TMEM132D: variants seen among roughly 807,000 people sequenced by gnomAD.
TMEM132D encodes mature OL transmembrane protein.
Under a neutral mutation model 62.3 loss-of-function variants are expected in TMEM132D, and 21 were observed. The ratio of observed to expected loss-of-function variants is 0.34; its 90% CI spans 0.24 to 0.49. The LOEUF is 0.49. Ranked by LOEUF, TMEM132D falls within the 20% of genes least tolerant of loss-of-function variation. TMEM132D has a pLI of 0.99. For missense variants in TMEM132D, 1,346 were observed against 1,402.8 expected, an observed-to-expected ratio of 0.96 and a Z score of 0.65; for synonymous variants, 621 against 575.6, an observed-to-expected ratio of 1.08 and a Z score of -1.13.
Position 129,827,694 on chromosome 12 carries a change from A to C in TMEM132D, c.79+75567T>G, listed in dbSNP as rs1404122519. ...AATTCCAGCAAGTCTCAAGTGTAAA[A>C]AGGTGTCTGAGGAAGTTCTTGTTTG... On this transcript the variant is annotated intron_variant, in intron 1 of 8. Coordinates refer to ENST00000422113, the MANE Select transcript of TMEM132D (RefSeq NM_133448.3). The surrounding 1 kb of genome is among the most constrained non-coding windows in gnomAD (Gnocchi z 9.7). 6.6e-6 allele frequency among the ~76,000 whole-genome samples: 1 copy of C among 152,168 alleles called. No individual in the cohort carries two copies. The highest frequency in any genetic ancestry group is 1.5e-5 in the Non-Finnish European group (1 of 68,034).
At chr12:129,087,184 G>T (rs11610940) in intron 5 of TMEM132D, among the ~76,000 whole-genome samples, 48,907 of 151,840 alleles carry the variant, frequency 0.32, 8,703 homozygotes, top group African/African-American at 0.48. Flanking sequence ...TTGTTTCTGT[G>T]AGTTGGACTT....
At chr12:129,351,948 T>A (rs932343018) in intron 3 of TMEM132D, among the ~76,000 whole-genome samples, 1 of 152,172 alleles carries the variant, frequency 6.6e-6, no homozygotes, top group African/African-American at 2.4e-5. Context: ...ATCACTCCTA[T>A]TCAGCCTGAA....
At chr12:129,195,294 TG>T (rs1878516986) in intron 5 of TMEM132D, among the ~76,000 whole-genome samples, 6 of 151,492 alleles carry the variant, frequency 4.0e-5, no homozygotes, top group Admixed American at 3.9e-4. Context: ...AAGCCCAGTG[TG>T]GCCAGAAGGA....
At chr12:129,475,743 G>A (rs1273669718) in intron 3 of TMEM132D, among the ~76,000 whole-genome samples, 1 of 152,210 alleles carries the variant, frequency 6.6e-6, no homozygotes, top group Non-Finnish European at 1.5e-5. Context: ...CAGGCGTCCA[G>A]CAGAGCTGCA....
intron 3 of TMEM132D, among the ~76,000 whole-genome samples, chr12:129,402,344 G>A (rs964914754): frequency 8.5e-5 from 13 of 152,072 alleles, no homozygotes; most frequent in East Asian, 1.9e-4. Flanking sequence ...CTCACTCGAC[G>A]GCATTTTCAC....
chr12:129,496,456 G>A (rs964046583), intron 3 of TMEM132D, among the ~76,000 whole-genome samples: 12 of 152,110 alleles, frequency 7.9e-5, no homozygotes, highest in African/African-American at 2.7e-4. Flanking sequence ...TGTCTAAAGA[G>A]TAAGGGCTTA....
intron 2 of TMEM132D, among the ~76,000 whole-genome samples, chr12:129,600,456 G>A (rs532126198): frequency 2.6e-5 from 4 of 152,250 alleles, no homozygotes; most frequent in East Asian, 1.9e-4. Context: ...GGCTCCTCTC[G>A]TGAATTGCCA....
chr12:129,364,663 G>T (rs973640475), intron 3 of TMEM132D, among the ~76,000 whole-genome samples: 1 of 152,082 alleles, frequency 6.6e-6, no homozygotes, highest in East Asian at 1.9e-4. Context: ...CCTCACCATG[G>T]GCCCTTATAC....
rs918266044 is a variant in TMEM132D at position 129,644,776 on chromosome 12, C to T, written c.968+55034G>A. Reference sequence around the variant, plus strand: ...GGCAGATCACGAGGTCAGGAGATCACGACCATCCTGGCTAACATGGTGAAA... The same window carrying T: ...GGCAGATCACGAGGTCAGGAGATCATGACCATCCTGGCTAACATGGTGAAA... On this transcript the variant is annotated intron_variant, in intron 2 of 8. Coordinates refer to ENST00000422113, the MANE Select transcript of TMEM132D (RefSeq NM_133448.3). 2.7e-5 allele frequency among the ~76,000 whole-genome samples: 4 copies of T among 149,604 alleles called. 1 individual carries two copies. The South Asian group carries it at 8.5e-4, about 32-fold the overall frequency.
chr12:129,724,105 A>C (rs1326856889), intron 1 of TMEM132D, among the ~76,000 whole-genome samples: 2 of 152,204 alleles, frequency 1.3e-5, no homozygotes, highest in African/African-American at 2.4e-5. Context: ...GCCACGTTTG[A>C]GTAGAAGGCA....
chr12:129,157,374 T>C (rs1877278434), intron 5 of TMEM132D, among the ~76,000 whole-genome samples: 1 of 152,250 alleles, frequency 6.6e-6, no homozygotes. Context: ...TCCTATTATT[T>C]TCAATGCTTG....
chr12:129,876,521 T>C (rs1315502213), intron 1 of TMEM132D, among the ~76,000 whole-genome samples: 1 of 152,222 alleles, frequency 6.6e-6, no homozygotes, highest in Non-Finnish European at 1.5e-5. Context: ...CAGCAACAAG[T>C]AGCATAAACC....
At chr12:129,485,647 C>A (rs7306582) in intron 3 of TMEM132D, among the ~76,000 whole-genome samples, 16 of 152,134 alleles carry the variant, frequency 1.1e-4, no homozygotes, top group African/African-American at 2.9e-4. Flanking sequence ...GCAGAGGGCA[C>A]GCCAGAAGCC....
chr12:129,291,202 T>C (rs571856682), intron 4 of TMEM132D, among the ~76,000 whole-genome samples: 30 of 152,318 alleles, frequency 2.0e-4, no homozygotes, highest in Non-Finnish European at 4.0e-4. Flanking sequence ...TTCTATTTTG[T>C]TTTAATATTA....
intron 4 of TMEM132D, among the ~76,000 whole-genome samples, chr12:129,305,568 G>T (rs1448754530): frequency 6.6e-6 from 1 of 152,128 alleles, no homozygotes; most frequent in African/African-American, 2.4e-5. Context: ...CAAATGTATG[G>T]TATACTTAAA....
intron 1 of TMEM132D, among the ~76,000 whole-genome samples, chr12:129,715,173 G>A (rs1181826203): frequency 6.6e-6 from 1 of 152,156 alleles, no homozygotes; most frequent in African/African-American, 2.4e-5. Context: ...TTTGAGGGAT[G>A]CAATCAATAT....
chr12:129,280,630 T>C (rs1881116199), intron 4 of TMEM132D, among the ~76,000 whole-genome samples: 1 of 152,178 alleles, frequency 6.6e-6, no homozygotes, highest in Non-Finnish European at 1.5e-5. Flanking sequence ...AGTGACTGCA[T>C]ATTTTGGGAT....
intron 3 of TMEM132D, among the ~76,000 whole-genome samples, chr12:129,397,206 A>G (rs890294341): frequency 6.6e-6 from 1 of 152,226 alleles, no homozygotes; most frequent in African/African-American, 2.4e-5. Flanking sequence ...AACATAGAGA[A>G]CTTAATAGAT....
intron 1 of TMEM132D, among the ~76,000 whole-genome samples, chr12:129,813,800 A>C (rs541389577): frequency 3.9e-5 from 6 of 152,162 alleles, no homozygotes; most frequent in South Asian, 2.1e-4. Flanking sequence ...GTGCCTAGAA[A>C]ATTCAAAGTA....
Sources: gnomAD v4.1 joint callset for allele counts (sites outside exome capture counted in the v4.1 genomes callset) on GRCh38, gnomAD v4.1.1 for gene constraint, Gnocchi (gnomAD v3.1) non-coding constraint, MANE v1.5 for transcripts, NCBI Gene and HGNC (gene_info 2026-07-23, HGNC 2026-07-21) for gene names.